Variants in SEC23A observed in about 807,000 individuals in gnomAD.
The protein encoded by SEC23A is protein transport protein Sec23A.
A neutral mutation model predicts 103.7 loss-of-function variants in SEC23A; 56 were observed. That is an observed-to-expected ratio of 0.54 (90% CI 0.44 to 0.67). The LOEUF is 0.67. Among genes scored for constraint, SEC23A ranks in the 30% least tolerant of loss-of-function variants. SEC23A has a pLI of 0.00. For missense variants in SEC23A, 784 were observed against 936.4 expected (o/e 0.84, Z 2.12); for synonymous variants, 281 against 293.0 (o/e 0.96, Z 0.42).
intron 15 of SEC23A, 71 bp from the exon 16 acceptor site, chr14:39,045,395 AT>A: frequency 9.1e-7 from 1 of 1,102,744 alleles, no homozygotes; most frequent in East Asian, 2.5e-5. Flanking sequence ...ATTAGCAAAA[AT>A]ATTTGATTAC....
intron 13 of SEC23A, among the ~76,000 whole-genome samples, chr14:39,055,934 G>T (rs1001735233): frequency 6.6e-6 from 1 of 152,358 alleles, no homozygotes; most frequent in Non-Finnish European, 1.5e-5. Flanking sequence ...GCCTGAGCGG[G>T]ACTGGATTGC....
At chr14:39,039,953 A>G (rs1885582202) in intron 18 of SEC23A, 1 of 152,260 alleles carries the variant, frequency 6.6e-6, no homozygotes, top group Non-Finnish European at 1.5e-5. Flanking sequence ...TAAATACAGT[A>G]AAACTAATAG....
intron 9 of SEC23A, among the ~76,000 whole-genome samples, chr14:39,073,257 A>G (rs1014286033): frequency 6.6e-6 from 1 of 152,208 alleles, no homozygotes; most frequent in Non-Finnish European, 1.5e-5. Context: ...TGAAAACATT[A>G]TGCTGAGTAA....
rs561222714 is a variant in SEC23A, at chr14:39,074,864, T to G, written c.988-334A>C. ...GGCTCACGCCTGTAATCCCAGCATTTTGGGAGGCCGAGGCAGGCAGATCAT... is the reference window on the plus strand; with the variant it reads ...GGCTCACGCCTGTAATCCCAGCATTGTGGGAGGCCGAGGCAGGCAGATCAT... On this transcript the variant is annotated intron_variant, in intron 8 of 19. Transcript: ENST00000307712. Among the ~76,000 whole-genome samples the G allele has an allele frequency of 5.9e-5, 9 of 152,324 alleles. No individual in the cohort carries two copies. In the South Asian group the frequency reaches 1.9e-3, roughly 32 times the overall value.
At chr14:39,083,561 TTC>T (rs1887307936) in intron 7 of SEC23A, among the ~76,000 whole-genome samples, 1 of 80,692 alleles carries the variant, frequency 1.2e-5, no homozygotes, top group South Asian at 4.0e-4. Context: ...AAAATAAACT[TTC>T]TTTTTTTTTT....
chr14:39,088,225 C>T (rs1887515841), intron 5 of SEC23A: 1 of 152,006 alleles, frequency 6.6e-6, no homozygotes, highest in African/African-American at 2.4e-5. Context: ...GAAATTTAAT[C>T]TAAATAGGGA....
chr14:39,058,841 T>G (rs1212684664), intron 13 of SEC23A, among the ~76,000 whole-genome samples: 1 of 152,188 alleles, frequency 6.6e-6, no homozygotes, highest in Non-Finnish European at 1.5e-5. Flanking sequence ...TAGTTTTAAT[T>G]TTAAAAATCA....
chr14:39,093,247 G>A lies in SEC23A; in HGVS notation c.222-3C>T, dbSNP rs2139290769. ...GTTTTGCTCGATAATCCACTTGACT[G>A]TTTTAAAAAAAAAGAAAAGACATAT... On this transcript the variant is annotated splice_polypyrimidine_tract_variant and splice_region_variant and intron_variant, in intron 2 of 19. Coordinates refer to ENST00000307712, the MANE Select transcript of SEC23A (RefSeq NM_006364.4). The A allele has an allele frequency of 1.2e-6, 2 of 1,604,878 alleles. No homozygotes were observed. The highest frequency in any genetic ancestry group is 1.1e-5 in the South Asian group (1 of 90,698).
rs774027995 is a variant in SEC23A, at chr14:39,067,212, T to C, written c.1188A>G (p.Gly396=). Residue 396 remains glycine, a synonymous_variant, in exon 10 of 20, where the codon GGA becomes GGG. Coordinates refer to ENST00000307712, the MANE Select transcript of SEC23A (RefSeq NM_006364.4). ...FQRVFTKDMH[G]QFKMGFGGTL... is the part of the protein sequence containing the mutation. ...TACCACCAAAGCCCATTTTAAACTG[T>C]CCATGCATGTCTTTGGTAAAGACTC... The C allele has an allele frequency of 3.1e-6, 5 of 1,613,734 alleles. No individual in the cohort carries two copies. Among genetic ancestry groups the C allele is most frequent in the Non-Finnish European group, 2.5e-6 (3 of 1,179,880 alleles).
intron 1 of SEC23A, among the ~76,000 whole-genome samples, chr14:39,100,173 A>C (rs1357354023): frequency 4.6e-5 from 7 of 152,120 alleles, no homozygotes; most frequent in Non-Finnish European, 1.0e-4. Flanking sequence ...TTTGCTTGCT[A>C]AATCACATCT....
chr14:39,070,433 G>GT (rs1212417143), intron 9 of SEC23A, among the ~76,000 whole-genome samples: 6 of 152,126 alleles, frequency 3.9e-5, no homozygotes, highest in Non-Finnish European at 8.8e-5. Flanking sequence ...CTACAGGCCA[G>GT]TATCTCCTAT....
intron 4 of SEC23A, among the ~76,000 whole-genome samples, chr14:39,092,131 C>T (rs2139288470): frequency 6.6e-6 from 1 of 152,248 alleles, no homozygotes. Context: ...AACATGTAAA[C>T]AACTATGGTT....
intron 9 of SEC23A, among the ~76,000 whole-genome samples, chr14:39,068,245 T>C (rs1309391747): frequency 6.6e-6 from 1 of 152,140 alleles, no homozygotes; most frequent in African/African-American, 2.4e-5. Flanking sequence ...ATTATGTTGG[T>C]GAGGCTATGG....
chr14:39,055,226 T>C lies in SEC23A; in HGVS notation c.1576A>G (p.Met526Val). 6.2e-7 allele frequency: 1 copy of C among 1,614,180 alleles called. No homozygotes were observed. The highest frequency in any genetic ancestry group is 8.5e-7 in the Non-Finnish European group (1 of 1,180,028). The part of the protein sequence containing the change: ...SFDQEAAAIL[M>V]ARLAIYRAET... The stretch of plus-strand genomic sequence containing the variant: ...GCTCTATATATTGCTAGCCGGGCCA[T>C]AAGAATGGCAGCTGCCTCCTGGTCA... Residue 526 changes from methionine (M) to valine (V), a missense_variant, in exon 14 of 20, where the codon ATG (methionine) becomes GTG (valine). Physicochemically the swap from Met to Val is conservative, Grantham distance 21. Around this residue, in one of 2 missense-constraint regions of SEC23A, gnomAD observed 683 missense variants for 774.2 expected, o/e 0.88. Coordinates refer to ENST00000307712, the MANE Select transcript of SEC23A (RefSeq NM_006364.4).
intron 19 of SEC23A, among the ~76,000 whole-genome samples, chr14:39,036,276 C>T (rs8020182): frequency 1.6e-3 from 213 of 134,244 alleles, no homozygotes; most frequent in African/African-American, 5.7e-3. Flanking sequence ...GAGTCGAGAT[C>T]GCGTCACTAC....
At chr14:39,071,300 T>C (rs150186236) in intron 9 of SEC23A, among the ~76,000 whole-genome samples, 234 of 152,206 alleles carry the variant, frequency 1.5e-3, no homozygotes, top group African/African-American at 5.4e-3. Flanking sequence ...AAAATCAACA[T>C]ATAAAAATCA....
intron 12 of SEC23A, 67 bp downstream of exon 12, chr14:39,063,257 G>T: frequency 1.1e-6 from 1 of 920,738 alleles, no homozygotes; most frequent in South Asian, 1.3e-5. Flanking sequence ...AACTATTCAT[G>T]GCCTAAAGTA....
intron 19 of SEC23A, among the ~76,000 whole-genome samples, chr14:39,034,829 T>C (rs756342734): frequency 5.3e-5 from 8 of 152,190 alleles, no homozygotes; most frequent in Non-Finnish European, 1.0e-4. Context: ...CATTATTTAG[T>C]ATATGAGGCA....
At chr14:39,040,911 A>G in intron 17 of SEC23A, 24 bp from the exon 18 acceptor site, 2 of 1,583,358 alleles carry the variant, frequency 1.3e-6, no homozygotes, top group Non-Finnish European at 1.7e-6. Context: ...AATTAAAGAA[A>G]TTACTTTAAA....
Sources: allele counts gnomAD v4.1 joint callset (sites outside exome capture counted in the v4.1 genomes callset), GRCh38; gene constraint gnomAD v4.1.1; regional missense constraint gnomAD v4.1.1; transcripts MANE v1.5; gene names NCBI Gene and HGNC (gene_info 2026-07-23, HGNC 2026-07-21).